MITF: variants seen among roughly 807,000 people sequenced by gnomAD.
MITF encodes microphthalmia-associated transcription factor.
A neutral mutation model predicts 60.5 loss-of-function variants in MITF; 17 were observed. The ratio of observed to expected loss-of-function variants is 0.28; its 90% CI spans 0.19 to 0.42. The LOEUF (loss-of-function observed/expected upper bound fraction) is 0.42, where lower values mean the gene tolerates loss of function less well. MITF is among the 10% of genes least tolerant of loss of function. The pLI is 1.00. For synonymous variants in MITF, 260 were observed against 248.5 expected (o/e 1.05, Z -0.43); for missense variants, 622 against 683.5 (o/e 0.91, Z 1.00).
chr3:69,919,943 T>A (rs1212148023), intron 2 of MITF, among the ~76,000 whole-genome samples: 2 of 152,094 alleles, frequency 1.3e-5, no homozygotes, highest in African/African-American at 4.8e-5. Flanking sequence ...TCCAGTATAA[T>A]AAAATATAAA....
chr3:69,755,433 G>GTTTTTTTT (rs542141862), intron 1 of MITF, among the ~76,000 whole-genome samples: 7 of 35,426 alleles, frequency 2.0e-4, no homozygotes, highest in African/African-American at 5.5e-4. Context: ...ACCCTTCTGG[G>GTTTTTTTT]TTTTTTTTTT....
chr3:69,860,115 T>C (rs1017894754), intron 1 of MITF, among the ~76,000 whole-genome samples: 3 of 152,200 alleles, frequency 2.0e-5, no homozygotes, highest in African/African-American at 7.2e-5. Flanking sequence ...AGTTTTCTTA[T>C]TGCAAATACT....
intron 1 of MITF, among the ~76,000 whole-genome samples, chr3:69,770,920 CT>C: frequency 6.6e-6 from 1 of 152,232 alleles, no homozygotes; most frequent in East Asian, 1.9e-4. Context: ...ATGAAATGTT[CT>C]AGGTGTGGGC....
intron 2 of MITF, among the ~76,000 whole-genome samples, chr3:69,885,322 A>G (rs1310845679): frequency 1.3e-5 from 2 of 152,064 alleles, no homozygotes; most frequent in Non-Finnish European, 2.9e-5. Context: ...AGAGGAGGCT[A>G]TACTAATAGG....
chr3:69,819,871 A>G (rs1046320443), intron 1 of MITF, among the ~76,000 whole-genome samples: 4 of 152,198 alleles, frequency 2.6e-5, no homozygotes, highest in Non-Finnish European at 2.9e-5. Context: ...AGGCTAAGGC[A>G]GGGGAATCGC....
intron 1 of MITF, among the ~76,000 whole-genome samples, chr3:69,869,070 G>A (rs965404905): frequency 1.3e-5 from 2 of 152,156 alleles, no homozygotes; most frequent in Non-Finnish European, 2.9e-5. Flanking sequence ...TCCGTCTCTG[G>A]ATGATTCAAG....
At chr3:69,755,467 TTTTTGGG>T (rs2106783350) in intron 1 of MITF, among the ~76,000 whole-genome samples, 1 of 103,004 alleles carries the variant, frequency 9.7e-6, no homozygotes, top group East Asian at 3.0e-4. Flanking sequence ...TTTTTTTTTT[TTTTTGGG>T]AATAGCAGTA....
At chr3:69,941,353 G>A in intron 5 of MITF, 22 bp downstream of exon 5, 1 of 1,515,518 alleles carries the variant, frequency 6.6e-7, no homozygotes, top group Non-Finnish European at 9.2e-7. Context: ...CTTTTTTTAA[G>A]TAGAAAATCT....
intron 2 of MITF, among the ~76,000 whole-genome samples, chr3:69,914,068 T>TC (rs75976393): frequency 0.015 from 2,348 of 152,300 alleles, 28 homozygotes; most frequent in Middle Eastern, 0.051. Context: ...AGGCAAACAG[T>TC]CACACACACA....
At chr3:69,778,105 T>C (rs1349613906) in intron 1 of MITF, among the ~76,000 whole-genome samples, 1 of 151,734 alleles carries the variant, frequency 6.6e-6, no homozygotes, top group African/African-American at 2.4e-5. Flanking sequence ...AGGAGAATCG[T>C]AGGGTGGGTG....
chr3:69,952,142 T>TTC (rs747463065), intron 7 of MITF, among the ~76,000 whole-genome samples: 31 of 150,896 alleles, frequency 2.1e-4, no homozygotes, highest in African/African-American at 5.1e-4. Flanking sequence ...AGTAGTGGTT[T>TTC]TCTCTCTCTC....
rs373722253 is a variant in MITF at position 69,931,296 on chromosome 3, T to C, written c.355-6526T>C. 1.4e-4 allele frequency among the ~76,000 whole-genome samples: 22 copies of C among 152,334 alleles called. No homozygotes were observed. In the East Asian group the frequency reaches 3.9e-3, roughly 27 times the overall value. The stretch of plus-strand genomic sequence containing the variant: ...ATTTAAGAGAAATGGTTTTCTCTTC[T>C]ATTCGGCTGAGATAAAACCACATGT... On this transcript the variant is annotated intron_variant, in intron 2 of 9. Coordinates refer to ENST00000352241, the MANE Select transcript of MITF (RefSeq NM_001354604.2).
chr3:69,775,788 C>G (rs1425050426), intron 1 of MITF, among the ~76,000 whole-genome samples: 1 of 152,080 alleles, frequency 6.6e-6, no homozygotes, highest in Non-Finnish European at 1.5e-5. Flanking sequence ...GACTGGGACT[C>G]TTTGTAGAAG....
chr3:69,859,456 C>G (rs1575831251), intron 1 of MITF, among the ~76,000 whole-genome samples: 1 of 152,154 alleles, frequency 6.6e-6, no homozygotes, highest in Non-Finnish European at 1.5e-5. Flanking sequence ...CTTCTTCTGG[C>G]TCCTCCTTGG....
chr3:69,913,967 CA>C (rs1194995844), intron 2 of MITF, among the ~76,000 whole-genome samples: 1 of 152,168 alleles, frequency 6.6e-6, no homozygotes, highest in Admixed American at 6.6e-5. Context: ...TGTGAATTAA[CA>C]AAATGCTTAT....
intron 2 of MITF, among the ~76,000 whole-genome samples, chr3:69,928,141 T>C (rs1477875070): frequency 6.6e-6 from 1 of 152,218 alleles, no homozygotes; most frequent in African/African-American, 2.4e-5. Context: ...TCCACCTACT[T>C]CTGTTAGAGA....
chr3:69,865,680 C>T (rs2064100085), intron 1 of MITF, among the ~76,000 whole-genome samples: 1 of 152,124 alleles, frequency 6.6e-6, no homozygotes, highest in South Asian at 2.1e-4. Flanking sequence ...TCCTAATATT[C>T]TTGGGGTCTG....
Position 69,905,178 on chromosome 3 carries a change from A to G in MITF, c.354+25795A>G, listed in dbSNP as rs1348888225. On this transcript the variant is annotated intron_variant, in intron 2 of 9. Coordinates refer to ENST00000352241, the MANE Select transcript of MITF (RefSeq NM_001354604.2). ...AACCACTGATTTGATTTGTGTCACT[A>G]TAGATGAGTTTGTAATTTCCAGAGT... is the stretch of plus-strand genomic sequence containing the variant. Among the ~76,000 whole-genome samples, 3 of 152,066 alleles carry G rather than the reference A, an allele frequency of 2.0e-5. No individual in the cohort carries two copies. The East Asian group carries it at 5.8e-4, about 29-fold the overall frequency.
chr3:69,840,008 G>A (rs1559665169), intron 1 of MITF, among the ~76,000 whole-genome samples: 1 of 152,096 alleles, frequency 6.6e-6, no homozygotes. Context: ...GGTAAGGGTA[G>A]AAAAGTATCC....
Sources: allele counts gnomAD v4.1 joint callset (sites outside exome capture counted in the v4.1 genomes callset), GRCh38; gene constraint gnomAD v4.1.1; transcripts MANE v1.5; gene names NCBI Gene and HGNC (gene_info 2026-07-23, HGNC 2026-07-21).